Variants in FASTKD5 observed in about 807,000 individuals in gnomAD.
FASTKD5 encodes the protein FAST kinase domains 5.
In FASTKD5, 30 loss-of-function variants were observed where a neutral mutation model predicts 44.0. The ratio of observed to expected loss-of-function variants is 0.68; its 90% CI spans 0.51 to 0.93. The LOEUF (loss-of-function observed/expected upper bound fraction) is 0.93, where lower values mean the gene tolerates loss of function less well. Ranked by LOEUF, FASTKD5 falls within the 40% of genes least tolerant of loss-of-function variation. The pLI is 0.00. For synonymous variants in FASTKD5, 335 were observed against 342.2 expected (o/e 0.98, Z 0.23); for missense variants, 868 against 908.2 (o/e 0.96, Z 0.57).
chr20:3,151,401 T>C (rs1175223223), intron 1 of FASTKD5, among the ~76,000 whole-genome samples: 5 of 152,236 alleles, frequency 3.3e-5, no homozygotes, highest in Admixed American at 6.5e-5. Flanking sequence ...CTGTGGCAGA[T>C]TGTATGGCCT....
At chr20:3,158,951 C>T (rs549663029) in intron 1 of FASTKD5, among the ~76,000 whole-genome samples, 10 of 152,302 alleles carry the variant, frequency 6.6e-5, no homozygotes, top group African/African-American at 2.4e-4. Flanking sequence ...CACAAAACGC[C>T]AGCCACAGTT....
rs776490031 is a variant in FASTKD5, at chr20:3,148,031, T to C, written c.1040A>G (p.Asn347Ser). ...MRKIGDLACA[N>S]IQHLSSRSLV... ...GGAGCGACTACTCAGATGCTGAATG[T>C]TAGCACAAGCCAAGTCTCCAATTTT... is the stretch of plus-strand genomic sequence containing the variant. Residue 347 changes from asparagine (N) to serine (S), a missense_variant, in exon 2 of 2, where the codon AAC becomes AGC. Transcript: ENST00000380266. The C allele has an allele frequency of 1.2e-6, 2 of 1,614,078 alleles. No homozygotes were observed. The highest frequency in any genetic ancestry group is 3.3e-5 in the Admixed American group (2 of 60,000).
chr20:3,151,609 A>T (rs1365476905), intron 1 of FASTKD5: 18 of 152,074 alleles, frequency 1.2e-4, no homozygotes, highest in Admixed American at 1.2e-3. Flanking sequence ...ACAACACAGC[A>T]AGACTGTCTA....
chr20:3,146,767 A>T lies in FASTKD5; in HGVS notation c.*9T>A. On this transcript the variant is annotated 3_prime_UTR_variant, in exon 2 of 2. Coordinates refer to ENST00000380266, the MANE Select transcript of FASTKD5 (RefSeq NM_021826.5). The stretch of plus-strand genomic sequence containing the variant: ...ATAGCTTTGCCATAGAAATGCCCCT[A>T]AATGCCCTTCAGAGAGCAGAGGTGA... 6.2e-7 allele frequency: 1 copy of T among 1,609,784 alleles called. No homozygotes were observed. Among genetic ancestry groups the T allele is most frequent in the Non-Finnish European group, 8.5e-7 (1 of 1,177,648 alleles).
Position 3,148,841 on chromosome 20 carries a change from C to G in FASTKD5, c.230G>C (p.Gly77Ala). The change falls in exon 2 of 2, where the codon GGT becomes GCT. Residue 77 changes from glycine (G) to alanine (A), a missense_variant. Transcript: ENST00000380266. ...RILTTSSAHP[G>A]LEFSKTSSSK... ...GGAAGAAGTCTTGCTGAATTCCAAA[C>G]CTGGGTGGGCACTGCTGGTTGTCAG... The G allele has an allele frequency of 6.2e-7, 1 of 1,614,210 alleles. No individual in the cohort carries two copies. Among genetic ancestry groups the G allele is most frequent in the South Asian group, 1.1e-5 (1 of 91,084 alleles).
intron 1 of FASTKD5, chr20:3,151,924 G>A (rs1400504520): frequency 6.6e-6 from 1 of 151,466 alleles, no homozygotes; most frequent in Non-Finnish European, 1.5e-5. Context: ...GGCCATCATG[G>A]TGAAACCCTA....
chr20:3,147,605 A>C lies in FASTKD5; in HGVS notation c.1466T>G (p.Leu489Ter). 1 of 1,614,214 alleles carries C rather than the reference A, an allele frequency of 6.2e-7. No individual in the cohort carries two copies. The highest frequency in any genetic ancestry group is 8.5e-7 in the Non-Finnish European group (1 of 1,180,038). The change falls in exon 2 of 2, where the codon TTA becomes TGA. Residue 489 changes from leucine (L) to a stop codon, truncating the protein, a stop_gained. Coordinates refer to ENST00000380266, the MANE Select transcript of FASTKD5 (RefSeq NM_021826.5). LOFTEE classifies it high-confidence loss of function. Reference protein sequence around the residue: ...LAFLEYFPVELIDFALSPGFV... With the variant: ...LAFLEYFPVE ...CCCTGGACTGAGAGCGAAATCAATT[A>C]ACTCTACTGGAAAGTACTCCAAAAA...
Position 3,149,191 on chromosome 20 carries a change from G to T in FASTKD5, c.-121C>A. On this transcript the variant is annotated 5_prime_UTR_variant, in exon 2 of 2. Coordinates refer to ENST00000380266, the MANE Select transcript of FASTKD5 (RefSeq NM_021826.5). This position sits in a 1 kb window ranked among gnomAD's most constrained non-coding sequence, Gnocchi z 4.1. ...GACGGGGAGGTGTTCCACAAAAACT[G>T]CCTGGAAATCTTCAGCATATCACAA... 1.8e-6 allele frequency: 2 copies of T among 1,096,892 alleles called. No individual in the cohort carries two copies. Among genetic ancestry groups the T allele is most frequent in the South Asian group, 1.7e-5 (1 of 58,054 alleles). The allele number at this position is 1,096,892 out of a possible 1,614,324, so 67.9% of individuals were successfully genotyped here.
rs367640057 is a variant in FASTKD5, at chr20:3,148,543, C to T, written c.528G>A (p.Glu176=). The T allele has an allele frequency of 1.5e-5, 25 of 1,614,032 alleles. No homozygotes were observed. Among genetic ancestry groups the T allele is most frequent in the Non-Finnish European group, 2.1e-5 (25 of 1,180,052 alleles). Residue 176 remains glutamate (E), a synonymous_variant, in exon 2 of 2, where the codon GAG becomes GAA. Transcript: ENST00000380266. ...YLCKLSSLPA[E]QHPVLLGSTS... ...TACTGCCCAGCAAGACAGGATGCTG[C>T]TCTGCAGGCAAAGAGCTCAGCTTAC...
At position 3,148,618 on chromosome 20, in the gene FASTKD5, G is replaced by C. The variant is rs1427691944; in HGVS notation, c.453C>G (p.Val151=). Residue 151 remains valine, a synonymous_variant, in exon 2 of 2, where the codon GTC becomes GTG. Coordinates refer to ENST00000380266, the MANE Select transcript of FASTKD5 (RefSeq NM_021826.5). Reference sequence around the variant, plus strand: ...CCTGGAGATTATTTTGATTAACTCTGACTTTGTGCAAAATTAGTTCACCTT... The same window carrying C: ...CCTGGAGATTATTTTGATTAACTCTCACTTTGTGCAAAATTAGTTCACCTT... ...VSEGELILHK[V]RVNQNNLQAQ... The C allele has an allele frequency of 6.2e-7, 1 of 1,614,032 alleles. No individual in the cohort carries two copies. Among genetic ancestry groups the C allele is most frequent in the Non-Finnish European group, 8.5e-7 (1 of 1,180,046 alleles).
At chr20:3,158,125 G>GT (rs941465393) in intron 1 of FASTKD5, among the ~76,000 whole-genome samples, 137 of 151,642 alleles carry the variant, frequency 9.0e-4, no homozygotes, top group African/African-American at 2.5e-3. Flanking sequence ...TTTTTTGTGT[G>GT]TTTTTTTTGT....
chr20:3,147,092 T>A lies in FASTKD5; in HGVS notation c.1979A>T (p.Lys660Met). 1 of 1,614,144 alleles carries A rather than the reference T, an allele frequency of 6.2e-7. No individual in the cohort carries two copies. Among genetic ancestry groups the A allele is most frequent in the Non-Finnish European group, 8.5e-7 (1 of 1,180,044 alleles). ...GAAGCCCCCCAGAGGTACAGCTGCC[T>A]TATTCTCCAACTCCATGGGCTGCTG... ...PGQQPMELEN[K>M]AAVPLGGFLC... Residue 660 changes from lysine to methionine, a missense_variant, in exon 2 of 2, where the codon AAG becomes ATG. Coordinates refer to ENST00000380266, the MANE Select transcript of FASTKD5 (RefSeq NM_021826.5).
In FASTKD5 at chr20:3,149,124, G is replaced by A. The variant is rs1367955321; in HGVS notation, c.-54C>T. The stretch of plus-strand genomic sequence containing the variant: ...GTCAGAATACAGTCCTCACAGATTT[G>A]ACCAGGCAATTTCTTGTTTATATGG... On this transcript the variant is annotated 5_prime_UTR_variant, in exon 2 of 2. Transcript: ENST00000380266. The surrounding 1 kb of genome is among the most constrained non-coding windows in gnomAD (Gnocchi z 4.1). 37 of 1,537,440 alleles carry A rather than the reference G, an allele frequency of 2.4e-5. No individual in the cohort carries two copies. Among genetic ancestry groups the A allele is most frequent in the Non-Finnish European group, 3.1e-5 (36 of 1,143,158 alleles).
At position 3,147,377 on chromosome 20, in the gene FASTKD5, A is replaced by T; in HGVS notation, c.1694T>A (p.Leu565Ter). ...GGGCCCCCCCAGCATGGTCTCCAGT[A>T]AAAAGACAGTTTCTAAGAATTCAGG... ...SKPEFLETVF[L>*]LETMLGGPQY... The change falls in exon 2 of 2, where the codon TTA becomes TAA. Residue 565 changes from leucine (L) to a stop codon, truncating the protein, a stop_gained. Transcript: ENST00000380266. LOFTEE classifies it low-confidence loss of function (END_TRUNC). The T allele has an allele frequency of 6.2e-7, 1 of 1,614,252 alleles. No individual in the cohort carries two copies.
In FASTKD5 at chr20:3,151,675, T is replaced by G. The variant is rs973935456; in HGVS notation, c.-190-2415A>C. ...AAAAATAAAAAATTTTAATTAAAAT[T>G]GGAAAAACTATAGAAAAATAGTACT... On this transcript the variant is annotated intron_variant, in intron 1 of 1. Transcript: ENST00000380266. 104 of 151,838 alleles carry G rather than the reference T, an allele frequency of 6.8e-4. 3 individuals are homozygous for G. The highest frequency in any genetic ancestry group is 6.8e-3 in the Admixed American group (104 of 15,266). The allele number at this position is 151,838 out of a possible 1,614,324, so 9.4% of individuals were successfully genotyped here. A position where few individuals can be genotyped will look rare whatever the true frequency, so the allele number is the denominator to read the frequency against.
chr20:3,147,812 G>C lies in FASTKD5; in HGVS notation c.1259C>G (p.Pro420Arg). The C allele has an allele frequency of 6.2e-7, 1 of 1,614,156 alleles. No homozygotes were observed. The highest frequency in any genetic ancestry group is 8.5e-7 in the Non-Finnish European group (1 of 1,180,024). The change falls in exon 2 of 2, where the codon CCT (proline) becomes CGT (arginine). Residue 420 changes from proline to arginine, a missense_variant. Physicochemically the swap from Pro to Arg is moderately radical, Grantham distance 103 (BLOSUM62 -2). Transcript: ENST00000380266. ...TTTACTTCGACAGTGTGCCACTCTA[G>C]GAGGCAAAGACGCAGCCACTGCATT... ...VMNAVAASLP[P>R]RVAHCRSKDV...
In FASTKD5 at chr20:3,147,267, G is replaced by T; in HGVS notation, c.1804C>A (p.Pro602Thr). 6.2e-7 allele frequency: 1 copy of T among 1,614,184 alleles called. No homozygotes were observed. Among genetic ancestry groups the T allele is most frequent in the Non-Finnish European group, 8.5e-7 (1 of 1,180,036 alleles). The change falls in exon 2 of 2, where the codon CCA becomes ACA. Residue 602 changes from proline to threonine, a missense_variant. Transcript: ENST00000380266. The part of the protein sequence containing the change: ...VQLDVNLKPL[P>T]FNREATPAEN... ...GCCGGCGTGGCTTCTCTATTAAATG[G>T]TAATGGCTTCAGGTTAACATCAAGC...
intron 1 of FASTKD5, among the ~76,000 whole-genome samples, chr20:3,158,612 C>T (rs1350554398): frequency 1.3e-5 from 2 of 152,196 alleles, no homozygotes; most frequent in Admixed American, 1.3e-4. Context: ...GTAGCTGGGA[C>T]TACAGGCGCC....
At chr20:3,155,088 G>GA (rs1202796689) in intron 1 of FASTKD5, among the ~76,000 whole-genome samples, 1 of 148,154 alleles carries the variant, frequency 6.7e-6, no homozygotes, top group Non-Finnish European at 1.5e-5. Flanking sequence ...GAAAAGAAAA[G>GA]AAAAAATAAA....
Sources: allele counts gnomAD v4.1 joint callset (sites outside exome capture counted in the v4.1 genomes callset), GRCh38; gene constraint gnomAD v4.1.1; non-coding constraint Gnocchi (gnomAD v3.1); transcripts MANE v1.5; gene names NCBI Gene and HGNC (gene_info 2026-07-23, HGNC 2026-07-21).